The following CRYGC variants were observed in gnomAD, a reference collection of about 807,000 sequenced individuals.
CRYGC encodes gamma-crystallin C.
In CRYGC, 14 loss-of-function variants were observed where a neutral mutation model predicts 21.9. The ratio of observed to expected loss-of-function variants is 0.64; its 90% confidence interval spans 0.42 to 1.00. The LOEUF is 1.00. Ranked by LOEUF, CRYGC falls within the 50% of genes least tolerant of loss-of-function variation. The pLI, the probability that CRYGC is intolerant of heterozygous loss-of-function variation, is 0.00. For missense variants in CRYGC, 235 were observed against 234.2 expected (o/e 1.00, Z -0.02); for synonymous variants, 96 against 89.8 (o/e 1.07, Z -0.39).
Position 208,128,220 on chromosome 2 carries a change from C to T in CRYGC, c.508G>A (p.Val170Met), listed in dbSNP as rs763190769. ...MDAKAGSLRRVVDLY is the reference protein window; with the variant it reads ...MDAKAGSLRRMVDLY Reference sequence around the variant, plus strand: ...AAGCTATTTTAATACAAATCCACCACTCTCCGCAAAGAGCCTGCCTTAGCA... The same window carrying T: ...AAGCTATTTTAATACAAATCCACCATTCTCCGCAAAGAGCCTGCCTTAGCA... Residue 170 changes from valine to methionine, a missense_variant, in exon 3 of 3, where the codon GTG (valine) becomes ATG (methionine). Coordinates refer to ENST00000282141, the MANE Select transcript of CRYGC (RefSeq NM_020989.4). 2 of 1,614,258 alleles carry T rather than the reference C, an allele frequency of 1.2e-6. No homozygotes were observed. The highest frequency in any genetic ancestry group is 1.7e-6 in the Non-Finnish European group (2 of 1,180,042).
At chr2:208,129,739 A>G (rs1695069175) in intron 1 of CRYGC, 45 bp downstream of exon 1, 2 of 1,614,252 alleles carry the variant, frequency 1.2e-6, no homozygotes, top group East Asian at 4.5e-5. Context: ...GGCATTATAT[A>G]AAGGCAACTT....
Position 208,129,549 on chromosome 2 carries a change from A to G in CRYGC, c.144T>C (p.Arg48=), listed in dbSNP as rs373774708. The change falls in exon 2 of 3, where the codon CGT becomes CGC. Residue 48 remains arginine, a synonymous_variant. Transcript: ENST00000282141. ...AGTATTGTTGACCTTGGTAGTTGGG[A>G]CGCTCATAGAGCATCCAGCAGCCGC... is the stretch of plus-strand genomic sequence containing the variant. ...VESGCWMLYE[R]PNYQGQQYLL... The G allele has an allele frequency of 3.4e-5, 55 of 1,614,066 alleles. No homozygotes were observed. Among genetic ancestry groups the G allele is most frequent in the Admixed American group, 6.7e-5 (4 of 60,002 alleles).
At position 208,128,142 on chromosome 2, in the gene CRYGC, A is replaced by G; in HGVS notation, c.*61T>C. On this transcript the variant is annotated 3_prime_UTR_variant, in exon 3 of 3. Coordinates refer to ENST00000282141, the MANE Select transcript of CRYGC (RefSeq NM_020989.4). ...AGAATGACAGAAGTCAGCAATTGCC[A>G]GCAATGCAGACTAAATATTTATTAG... 6.3e-7 allele frequency: 1 copy of G among 1,591,140 alleles called. No individual in the cohort carries two copies. Among genetic ancestry groups the G allele is most frequent in the Non-Finnish European group, 8.6e-7 (1 of 1,159,138 alleles).
chr2:208,129,560 G>T lies in CRYGC; in HGVS notation c.133C>A (p.Leu45Ile), dbSNP rs1695062109. The T allele has an allele frequency of 6.2e-7, 1 of 1,614,234 alleles. No individual in the cohort carries two copies. Among genetic ancestry groups the T allele is most frequent in the East Asian group, 2.2e-5 (1 of 44,882 alleles). ...SIRVESGCWM[L>I]YERPNYQGQQ... Reference sequence around the variant, plus strand: ...CCTTGGTAGTTGGGACGCTCATAGAGCATCCAGCAGCCGCTCTCCACCCGG... The same window carrying T: ...CCTTGGTAGTTGGGACGCTCATAGATCATCCAGCAGCCGCTCTCCACCCGG... The change falls in exon 2 of 3, where the codon CTC (leucine) becomes ATC (isoleucine). Residue 45 changes from leucine to isoleucine, a missense_variant. Transcript: ENST00000282141.
rs1359396632 is a variant in CRYGC, at chr2:208,129,539, G to T, written c.154C>A (p.Gln52Lys). The part of the protein sequence containing the change: ...CWMLYERPNY[Q>K]GQQYLLRRGE... ...CGCCGCAGCAAGTATTGTTGACCTT[G>T]GTAGTTGGGACGCTCATAGAGCATC... The change falls in exon 2 of 3, where the codon CAA becomes AAA. Residue 52 changes from glutamine (Q) to lysine (K), a missense_variant. By Grantham distance (53) the Gln-to-Lys change is moderately conservative. Coordinates refer to ENST00000282141, the MANE Select transcript of CRYGC (RefSeq NM_020989.4). 6.2e-7 allele frequency: 1 copy of T among 1,614,236 alleles called. No individual in the cohort carries two copies. The highest frequency in any genetic ancestry group is 1.3e-5 in the African/African-American group (1 of 75,062).
rs1695040062 is a variant in CRYGC, at chr2:208,128,699, T to C, written c.253-224A>G. ...TTTCTATTTGACCTGAAATTCATTC[T>C]TATTTAGGAGATGGAATTTTTAAGA... On this transcript the variant is annotated intron_variant, in intron 2 of 2. Transcript: ENST00000282141. Among the ~76,000 whole-genome samples the C allele has an allele frequency of 2.0e-5, 3 of 152,226 alleles. 1 individual carries two copies. The highest frequency in any genetic ancestry group is 2.0e-4 in the Admixed American group (3 of 15,278).
chr2:208,128,427 G>A lies in CRYGC; in HGVS notation c.301C>T (p.Leu101Phe). 6.2e-7 allele frequency: 1 copy of A among 1,614,216 alleles called. No individual in the cohort carries two copies. The highest frequency in any genetic ancestry group is 1.7e-5 in the Admixed American group (1 of 60,024). Residue 101 changes from leucine to phenylalanine, a missense_variant, in exon 3 of 3, where the codon CTC (leucine) becomes TTC (phenylalanine). Leu to Phe is a conservative substitution (Grantham distance 22). Coordinates refer to ENST00000282141, the MANE Select transcript of CRYGC (RefSeq NM_020989.4). Reference protein sequence around the residue: ...RLYEREDHKGLMMELSEDCPS... With the variant: ...RLYEREDHKGFMMELSEDCPS... ...CAGTCTTCACTCAGCTCCATCATGA[G>A]GCCTTTGTGGTCTTCCCTCTCGTAC... is the stretch of plus-strand genomic sequence containing the variant.
At position 208,129,613 on chromosome 2, in the gene CRYGC, T is replaced by C; in HGVS notation, c.80A>G (p.Gln27Arg). ...YETTTDCPNL[Q>R]PYFSRCNSIR... ...GGAGTTGCAGCGGCTGAAATACGGC[T>C]GCAGGTTGGGGCAGTCAGTGGTGGT... is the stretch of plus-strand genomic sequence containing the variant. Residue 27 changes from glutamine (Q) to arginine (R), a missense_variant, in exon 2 of 3, where the codon CAG becomes CGG. Transcript: ENST00000282141. 6.2e-7 allele frequency: 1 copy of C among 1,614,238 alleles called. No individual in the cohort carries two copies. The highest frequency in any genetic ancestry group is 8.5e-7 in the Non-Finnish European group (1 of 1,180,044).
At chr2:208,128,757 C>T (rs1202176019) in intron 2 of CRYGC, among the ~76,000 whole-genome samples, 1 of 152,162 alleles carries the variant, frequency 6.6e-6, no homozygotes, top group Non-Finnish European at 1.5e-5. Flanking sequence ...CCATCAAGAA[C>T]TGAGATATCT....
At position 208,128,177 on chromosome 2, in the gene CRYGC, T is replaced by C. The variant is rs1574549637; in HGVS notation, c.*26A>G. 5 of 1,614,184 alleles carry C rather than the reference T, an allele frequency of 3.1e-6. No homozygotes were observed. In the East Asian group the frequency reaches 1.1e-4, roughly 36 times the overall value. On this transcript the variant is annotated 3_prime_UTR_variant, in exon 3 of 3. Transcript: ENST00000282141. ...ACTAAATATTTATTAGGTTCCAAAA[T>C]GGGAAATTGGTAGTGTTAAGCTATT...
chr2:208,129,039 C>T (rs1435694285), intron 2 of CRYGC, among the ~76,000 whole-genome samples: 2 of 152,162 alleles, frequency 1.3e-5, no homozygotes, highest in Non-Finnish European at 2.9e-5. Context: ...AACAATACAG[C>T]TTTGAAGGTT....
rs778978634 is a variant in CRYGC, at chr2:208,128,518, T to C, written c.253-43A>G. 4.3e-6 allele frequency: 7 copies of C among 1,611,974 alleles called. No homozygotes were observed. The Admixed American group carries it at 6.7e-5, about 15-fold the overall frequency. On this transcript the variant is annotated intron_variant, in intron 2 of 2. Coordinates refer to ENST00000282141, the MANE Select transcript of CRYGC (RefSeq NM_020989.4). The stretch of plus-strand genomic sequence containing the variant: ...AGAAGGATGGAAAAAAGCAAATGAG[T>C]CTCTTCCAGAATTTGTCCAACCAAA...
In CRYGC at chr2:208,128,494, G is replaced by A; in HGVS notation, c.253-19C>T. The stretch of plus-strand genomic sequence containing the variant: ...AGACTGTCTACTCGGTCCACAGAAA[G>A]AAGGATGGAAAAAAGCAAATGAGTC... On this transcript the variant is annotated intron_variant, in intron 2 of 2. Transcript: ENST00000282141. The A allele has an allele frequency of 6.2e-7, 1 of 1,614,144 alleles. No individual in the cohort carries two copies. Among genetic ancestry groups the A allele is most frequent in the Non-Finnish European group, 8.5e-7 (1 of 1,180,022 alleles).
chr2:208,128,155 A>G lies in CRYGC; in HGVS notation c.*48T>C, dbSNP rs753379259. The G allele has an allele frequency of 1.9e-6, 3 of 1,611,018 alleles. No individual in the cohort carries two copies. In the South Asian group the frequency reaches 3.3e-5, roughly 18 times the overall value. ...TCAGCAATTGCCAGCAATGCAGACT[A>G]AATATTTATTAGGTTCCAAAATGGG... On this transcript the variant is annotated 3_prime_UTR_variant, in exon 3 of 3. Coordinates refer to ENST00000282141, the MANE Select transcript of CRYGC (RefSeq NM_020989.4).
rs1695063899 is a variant in CRYGC, at chr2:208,129,595, C to G, written c.98G>C (p.Cys33Ser). 1 of 1,614,256 alleles carries G rather than the reference C, an allele frequency of 6.2e-7. No individual in the cohort carries two copies. Among genetic ancestry groups the G allele is most frequent in the South Asian group, 1.1e-5 (1 of 91,090 alleles). ...GCCGCTCTCCACCCGGATGGAGTTG[C>G]AGCGGCTGAAATACGGCTGCAGGTT... ...CPNLQPYFSR[C>S]NSIRVESGCW... Residue 33 changes from cysteine to serine, a missense_variant, in exon 2 of 3, where the codon TGC becomes TCC. Transcript: ENST00000282141.
rs777748323 is a variant in CRYGC, at chr2:208,129,541, T to C, written c.152A>G (p.Tyr51Cys). Residue 51 changes from tyrosine (Y) to cysteine (C), a missense_variant, in exon 2 of 3, where the codon TAC becomes TGC. Physicochemically the swap from Tyr to Cys is radical, Grantham distance 194 (BLOSUM62 -2). Transcript: ENST00000282141. The stretch of plus-strand genomic sequence containing the variant: ...CCGCAGCAAGTATTGTTGACCTTGG[T>C]AGTTGGGACGCTCATAGAGCATCCA... ...GCWMLYERPN[Y>C]QGQQYLLRRG... The C allele has an allele frequency of 7.1e-5, 115 of 1,613,962 alleles. No homozygotes were observed. Among genetic ancestry groups the C allele is most frequent in the Non-Finnish European group, 9.6e-5 (113 of 1,180,028 alleles).
chr2:208,129,727 C>T (rs371818034), intron 1 of CRYGC, 44 bp from the exon 2 acceptor site: 10 of 1,614,120 alleles, frequency 6.2e-6, no homozygotes, highest in African/African-American at 5.3e-5. Flanking sequence ...TTGCTCCTAA[C>T]AGGCATTATA....
chr2:208,129,741 A>T, intron 1 of CRYGC, 43 bp downstream of exon 1: 1 of 1,614,256 alleles, frequency 6.2e-7, no homozygotes, highest in Non-Finnish European at 8.5e-7. Flanking sequence ...CATTATATAA[A>T]GGCAACTTTT....
rs1695066910 is a variant in CRYGC, at chr2:208,129,668, C to G, written c.25G>C (p.Asp9His). The G allele has an allele frequency of 7.4e-6, 12 of 1,614,172 alleles. No homozygotes were observed. The highest frequency in any genetic ancestry group is 1.0e-5 in the Non-Finnish European group (12 of 1,180,014). Residue 9 changes from aspartate (D) to histidine (H), a missense_variant, in exon 2 of 3, where the codon GAC becomes CAC. Physicochemically the swap from Asp to His is moderately conservative, Grantham distance 81. Transcript: ENST00000282141. ...TAGCTGCGGCCCTGGAAGGCCCTGTCCTCATAGAAGGTGATCTGCAAAGGA... is the reference window on the plus strand; with the variant it reads ...TAGCTGCGGCCCTGGAAGGCCCTGTGCTCATAGAAGGTGATCTGCAAAGGA... MGKITFYEDRAFQGRSYET... is the reference protein window; with the variant it reads MGKITFYEHRAFQGRSYET...
Sources: gnomAD v4.1 joint callset for allele counts (sites outside exome capture counted in the v4.1 genomes callset) on GRCh38, gnomAD v4.1.1 for gene constraint, MANE v1.5 for transcripts, NCBI Gene and HGNC (gene_info 2026-07-23, HGNC 2026-07-21) for gene names.